AMZ2: variants seen among roughly 807,000 people sequenced by gnomAD.
AMZ2 encodes the protein archaemetzincin-2.
AMZ2 carries 26 observed loss-of-function variants against 36.7 expected under a neutral mutation model. That is an observed-to-expected ratio of 0.71 (90% CI 0.52 to 0.98). The LOEUF (loss-of-function observed/expected upper bound fraction) is 0.98, where lower values mean the gene tolerates loss of function less well. AMZ2 is among the 50% of genes least tolerant of loss of function. AMZ2 has a pLI of 0.00. For missense variants in AMZ2, 394 were observed against 430.5 expected, an observed-to-expected ratio of 0.92 and a Z score of 0.75; for synonymous variants, 144 against 149.1, an observed-to-expected ratio of 0.97 and a Z score of 0.25.
intron 1 of AMZ2, among the ~76,000 whole-genome samples, chr17:68,228,878 G>A (rs1453031460): frequency 3.0e-4 from 46 of 152,252 alleles, no homozygotes; most frequent in African/African-American, 1.1e-3. Context: ...CTGCACTGCT[G>A]CTTCCGCGTG....
chr17:68,211,274 G>C (rs1200918885), intron 1 of AMZ2, among the ~76,000 whole-genome samples: 1 of 152,064 alleles, frequency 6.6e-6, no homozygotes, highest in Non-Finnish European at 1.5e-5. Context: ...AGGCCGATGC[G>C]GTAGGATCAT....
intron 1 of AMZ2, chr17:68,248,997 C>T: frequency 9.8e-7 from 1 of 1,025,202 alleles, no homozygotes; most frequent in Non-Finnish European, 1.2e-6. Flanking sequence ...CAACTTTTTC[C>T]TTAATTCAAA....
chr17:68,234,361 T>C (rs1423289237), intron 1 of AMZ2, among the ~76,000 whole-genome samples: 1 of 151,254 alleles, frequency 6.6e-6, no homozygotes, highest in African/African-American at 2.4e-5. Context: ...GGTGAAAGGA[T>C]CGCCTGAGCC....
At chr17:68,247,567 C>T (rs2074082942), upstream of AMZ2, 4 of 934,640 alleles carry the variant, frequency 4.3e-6, no homozygotes, top group Non-Finnish European at 5.1e-6. Flanking sequence ...CCCCCGCGGC[C>T]CCCAACAAAT....
chr17:68,218,919 T>C (rs142078079), intron 1 of AMZ2, among the ~76,000 whole-genome samples: 8 of 152,238 alleles, frequency 5.3e-5, no homozygotes, highest in Admixed American at 5.2e-4. Context: ...TACAAGCCAG[T>C]GTCATCTCGA....
Position 68,206,150 on chromosome 17 carries a change from T to A in AMZ2, c.-155T>A, listed in dbSNP as rs1206560630. 2.3e-6 allele frequency: 3 copies of A among 1,306,442 alleles called. No homozygotes were observed. In the Admixed American group the frequency reaches 9.3e-5, roughly 40 times the overall value. The allele number at this position is 1,306,442 out of a possible 1,614,324, so 80.9% of individuals were successfully genotyped here. A position where few individuals can be genotyped will look rare whatever the true frequency, so the allele number is the denominator to read the frequency against. On this transcript the variant is annotated 5_prime_UTR_variant, in exon 1 of 8. Coordinates refer to the AMZ2 transcript ENST00000674770. ...TGGAGGAGGACGAGGCTGATTCCGA[T>A]TATCTGGAGGAGCTGGAAGACGACG... is the stretch of plus-strand genomic sequence containing the variant.
At chr17:68,246,434 A>G (rs1306014708), upstream of AMZ2, among the ~76,000 whole-genome samples, 1 of 152,140 alleles carries the variant, frequency 6.6e-6, no homozygotes, top group Non-Finnish European at 1.5e-5. Flanking sequence ...CAAGTAGTTG[A>G]CACAGGTCCC....
intron 1 of AMZ2, among the ~76,000 whole-genome samples, chr17:68,221,498 G>C (rs1555728544): frequency 6.6e-6 from 1 of 152,110 alleles, no homozygotes; most frequent in Non-Finnish European, 1.5e-5. Context: ...GGGAGGCCGA[G>C]GCAGGCGGAC....
chr17:68,223,633 G>A (rs1363915230), intron 1 of AMZ2, among the ~76,000 whole-genome samples: 2 of 151,646 alleles, frequency 1.3e-5, no homozygotes, highest in African/African-American at 4.8e-5. Context: ...TCTGCCTCTC[G>A]GGTTCAAGTG....
upstream of AMZ2, among the ~76,000 whole-genome samples, chr17:68,243,073 T>C: frequency 6.6e-6 from 1 of 151,542 alleles, no homozygotes; most frequent in Admixed American, 6.6e-5. Context: ...TTACAATGTG[T>C]AAACATTTCT....
intron 1 of AMZ2, among the ~76,000 whole-genome samples, chr17:68,240,141 T>C (rs1372389803): frequency 6.6e-6 from 1 of 152,176 alleles, no homozygotes; most frequent in African/African-American, 2.4e-5. Flanking sequence ...GGTTCAGAGA[T>C]AGTGTCTTCT....
At chr17:68,247,775 C>G, upstream of AMZ2, 1 of 985,582 alleles carries the variant, frequency 1.0e-6, no homozygotes, top group Non-Finnish European at 1.2e-6. Flanking sequence ...CTCTCGAGAA[C>G]CGGGCCGCGG....
rs2074867364 is a variant in AMZ2, at chr17:68,255,872, A to T, written c.923A>T (p.Tyr308Phe). 6.2e-7 allele frequency: 1 copy of T among 1,613,768 alleles called. No homozygotes were observed. ...GTTGGCTTCAGCATTGTAGAAAGAT[A>T]CAAAGTAAGTTGGGGGGTGGACAGT... is the stretch of plus-strand genomic sequence containing the variant. Reference protein sequence around the residue: ...CAVGFSIVERYKALVRWIDDE... With the variant: ...CAVGFSIVERFKALVRWIDDE... The change falls in exon 6 of 7, where the codon TAC becomes TTC. Residue 308 changes from tyrosine to phenylalanine, a missense_variant. Tyr to Phe is a conservative substitution (Grantham distance 22, BLOSUM62 3). Coordinates refer to ENST00000359904, the MANE Select transcript of AMZ2 (RefSeq NM_016627.5).
At chr17:68,227,308 G>A (rs1479213861) in intron 1 of AMZ2, among the ~76,000 whole-genome samples, 6 of 152,222 alleles carry the variant, frequency 3.9e-5, no homozygotes, top group African/African-American at 1.4e-4. Context: ...TATTGGAGGA[G>A]TAAGAGGCAA....
At chr17:68,253,648 CTCAG>C (rs1409563783) in intron 4 of AMZ2, among the ~76,000 whole-genome samples, 3 of 152,244 alleles carry the variant, frequency 2.0e-5, no homozygotes, top group Non-Finnish European at 2.9e-5. Flanking sequence ...GGCAGTTGTC[CTCAG>C]TCAGTGCTGC....
At chr17:68,223,615 A>G (rs533162356) in intron 1 of AMZ2, among the ~76,000 whole-genome samples, 11 of 144,784 alleles carry the variant, frequency 7.6e-5, no homozygotes, top group East Asian at 6.3e-4. Context: ...TCTCAGCTCA[A>G]TGCAACCTCT....
At chr17:68,248,931 CT>C (rs1465841158) in intron 1 of AMZ2, 1 of 669,972 alleles carries the variant, frequency 1.5e-6, no homozygotes, top group Non-Finnish European at 2.0e-6. Context: ...TATCATTAAA[CT>C]GGCAAAATCT....
intron 1 of AMZ2, among the ~76,000 whole-genome samples, chr17:68,229,351 G>A (rs1470986529): frequency 6.6e-6 from 1 of 152,122 alleles, no homozygotes; most frequent in African/African-American, 2.4e-5. Context: ...CCAGGATCCA[G>A]AAACCTGGGG....
intron 1 of AMZ2, among the ~76,000 whole-genome samples, chr17:68,217,032 CA>C (rs11284875): frequency 0.42 from 40,102 of 95,518 alleles, 5,534 homozygotes; most frequent in East Asian, 0.59. Context: ...GACTCCGTCT[CA>C]AAAAAAAAAA....
Sources: gnomAD v4.1 joint callset for allele counts (sites outside exome capture counted in the v4.1 genomes callset) on GRCh38, gnomAD v4.1.1 for gene constraint, MANE v1.5 for transcripts, NCBI Gene and HGNC (gene_info 2026-07-23, HGNC 2026-07-21) for gene names.